METTL9: variants seen among roughly 807,000 people sequenced by gnomAD.
The protein encoded by METTL9 is methyltransferase 9, His-X-His N1(pi)-histidine.
In METTL9, 10 loss-of-function variants were observed where a neutral mutation model predicts 36.0. The ratio of observed to expected loss-of-function variants is 0.28; its 90% CI spans 0.17 to 0.47. The LOEUF (loss-of-function observed/expected upper bound fraction) is 0.47. Among genes scored for constraint, METTL9 ranks in the 20% least tolerant of loss-of-function variants. The pLI, the probability that METTL9 is intolerant of heterozygous loss-of-function variation, is 0.99. For synonymous variants in METTL9, 175 were observed against 149.7 expected (o/e 1.17, Z -1.23); for missense variants, 246 against 383.5 (o/e 0.64, Z 3.00).
At chr16:21,607,915 G>A (rs559922651) in intron 1 of METTL9, among the ~76,000 whole-genome samples, 15 of 152,266 alleles carry the variant, frequency 9.9e-5, no homozygotes, top group South Asian at 2.1e-4. Context: ...TTGCGAGGCC[G>A]AGGCAGGCAG....
chr16:21,600,510 A>G (rs971736819), intron 1 of METTL9, among the ~76,000 whole-genome samples: 3 of 152,158 alleles, frequency 2.0e-5, no homozygotes. Context: ...CCTACCTAGC[A>G]GAGATCTCCT....
chr16:21,608,305 A>AT (rs1965343912), intron 1 of METTL9, among the ~76,000 whole-genome samples: 1 of 151,992 alleles, frequency 6.6e-6, no homozygotes, highest in Non-Finnish European at 1.5e-5. Context: ...GTTCCTGCAG[A>AT]TTTTTTCTCT....
At chr16:21,609,749 GAC>G (rs1463273794) in intron 1 of METTL9, among the ~76,000 whole-genome samples, 1 of 152,038 alleles carries the variant, frequency 6.6e-6, no homozygotes, top group Non-Finnish European at 1.5e-5. Flanking sequence ...TGAGGCTGGA[GAC>G]ACAGAATGAA....
intron 4 of METTL9, among the ~76,000 whole-genome samples, chr16:21,648,588 G>A (rs928173157): frequency 2.0e-5 from 3 of 152,320 alleles, no homozygotes; most frequent in Non-Finnish European, 2.9e-5. Flanking sequence ...TCCAAGTTAT[G>A]AGGATTGAGT....
rs574758929 is a variant in METTL9 at position 21,631,817 on chromosome 16, G to C, written c.751+6702G>C. Among the ~76,000 whole-genome samples, 4 of 152,316 alleles carry C rather than the reference G, an allele frequency of 2.6e-5. No individual in the cohort carries two copies. The South Asian group carries it at 8.3e-4, about 32-fold the overall frequency. ...TGGAGTGTTACAGGGTTACAGAGAAGACCTTCAATTATCAATTATAGGTTT... is the reference window on the plus strand; with the variant it reads ...TGGAGTGTTACAGGGTTACAGAGAACACCTTCAATTATCAATTATAGGTTT... On this transcript the variant is annotated intron_variant, in intron 4 of 4. Transcript: ENST00000358154.
At chr16:21,630,278 C>T (rs2141594948) in intron 4 of METTL9, among the ~76,000 whole-genome samples, 1 of 152,328 alleles carries the variant, frequency 6.6e-6, no homozygotes, top group Admixed American at 6.5e-5. Flanking sequence ...AAGTGCGGGG[C>T]CTGCCGAGCC....
At chr16:21,635,257 G>A (rs1186589711) in intron 4 of METTL9, among the ~76,000 whole-genome samples, 2 of 152,092 alleles carry the variant, frequency 1.3e-5, no homozygotes, top group African/African-American at 4.8e-5. Flanking sequence ...TACTCAGGTT[G>A]GGCCAAATTC....
chr16:21,623,857 G>A lies in METTL9; in HGVS notation c.567-1074G>A, dbSNP rs536808482. 3.9e-5 allele frequency among the ~76,000 whole-genome samples: 6 copies of A among 152,094 alleles called. No homozygotes were observed. In the South Asian group the frequency reaches 6.2e-4, roughly 16 times the overall value. The stretch of plus-strand genomic sequence containing the variant: ...GTGATCTCGGCTCACTGCAGCCTCC[G>A]CCTCCCTGATTCAAGCGATTCTCCT... On this transcript the variant is annotated intron_variant, in intron 3 of 4. Coordinates refer to ENST00000358154, the MANE Select transcript of METTL9 (RefSeq NM_016025.5).
Position 21,611,624 on chromosome 16 carries a change from T to C in METTL9, c.166-1021T>C, listed in dbSNP as rs1264674901. Among the ~76,000 whole-genome samples, 4 of 152,364 alleles carry C rather than the reference T, an allele frequency of 2.6e-5. No individual in the cohort carries two copies. The East Asian group carries it at 7.7e-4, about 29-fold the overall frequency. On this transcript the variant is annotated intron_variant, in intron 1 of 4. Transcript: ENST00000358154. ...TCTCACTACGTGCTTTGTATTATGT[T>C]GAGGACTTGCCTGCATTATCTTGTT...
Position 21,655,471 on chromosome 16 carries a change from G to A in METTL9, c.*39G>A, listed in dbSNP as rs368952309. On this transcript the variant is annotated 3_prime_UTR_variant, in exon 5 of 5. Coordinates refer to ENST00000358154, the MANE Select transcript of METTL9 (RefSeq NM_016025.5). ...GAAGTCTTCAGAGTCCGCACCCTCCGGGATGTGCCCTTGGAAGAGGGTCTG... is the reference window on the plus strand; with the variant it reads ...GAAGTCTTCAGAGTCCGCACCCTCCAGGATGTGCCCTTGGAAGAGGGTCTG... 1.1e-4 allele frequency: 170 copies of A among 1,548,532 alleles called. No individual in the cohort carries two copies. Among genetic ancestry groups the A allele is most frequent in the Middle Eastern group, 1.8e-4 (1 of 5,622 alleles).
At chr16:21,623,193 A>G (rs913977201) in intron 3 of METTL9, among the ~76,000 whole-genome samples, 2 of 152,226 alleles carry the variant, frequency 1.3e-5, no homozygotes, top group Non-Finnish European at 2.9e-5. Context: ...ATTTAGTGCA[A>G]TGAAACACCT....
intron 4 of METTL9, among the ~76,000 whole-genome samples, chr16:21,634,798 C>T (rs1966045674): frequency 6.6e-6 from 1 of 152,116 alleles, no homozygotes; most frequent in Admixed American, 6.5e-5. Context: ...TGTAGCTGCT[C>T]AAGGAAGGCA....
upstream of METTL9, chr16:21,599,511 A>G (rs992262462): frequency 2.4e-5 from 30 of 1,240,432 alleles, no homozygotes; most frequent in African/African-American, 3.2e-5. This position sits in a 1 kb window ranked among gnomAD's most constrained non-coding sequence, Gnocchi z 4.4. Context: ...AAACTGGTGC[A>G]GGGGGCAGCG....
At chr16:21,649,431 C>G (rs1746792791) in intron 4 of METTL9, among the ~76,000 whole-genome samples, 1 of 152,172 alleles carries the variant, frequency 6.6e-6, no homozygotes, top group African/African-American at 2.4e-5. Flanking sequence ...AGCTTCGTGT[C>G]TGTGGGAGGC....
chr16:21,635,853 G>A lies in METTL9; in HGVS notation c.751+10738G>A, dbSNP rs542689173. Among the ~76,000 whole-genome samples, 357 of 152,172 alleles carry A rather than the reference G, an allele frequency of 2.3e-3. 3 individuals are homozygous for A. The highest frequency in any genetic ancestry group is 7.7e-3 in the African/African-American group (319 of 41,494). ...GGACCCTGCTAATTGGAATAGTTGC[G>A]CTCACCGAAGCAGCAGCAGAAACGG... On this transcript the variant is annotated intron_variant, in intron 4 of 4. Transcript: ENST00000358154.
chr16:21,650,430 C>T lies in METTL9; in HGVS notation c.752-4797C>T, dbSNP rs150642212. Among the ~76,000 whole-genome samples the T allele has an allele frequency of 2.5e-4, 37 of 147,812 alleles. No homozygotes were observed. The East Asian group carries it at 6.9e-3, about 28-fold the overall frequency. On this transcript the variant is annotated intron_variant, in intron 4 of 4. Transcript: ENST00000358154. ...GGCTGAAGCAGGAGAATCGCTTGAA[C>T]GTAGGAGGTGGAGGTTGCAGTGAGC...
At chr16:21,643,613 A>T in intron 4 of METTL9, 1 of 1,584,132 alleles carries the variant, frequency 6.3e-7, no homozygotes, top group Non-Finnish European at 8.6e-7. Context: ...CAAGAAGAGA[A>T]GGAAAGTCTA....
rs779978629 is a variant in METTL9, at chr16:21,625,115, G to A, written c.751G>A (p.Val251Ile). The change falls in exon 4 of 5, where the codon GTA (valine) becomes ATA (isoleucine). Residue 251 changes from valine (V) to isoleucine (I), a missense_variant and splice_region_variant. Physicochemically the swap from Val to Ile is conservative, Grantham distance 29 (BLOSUM62 3). Coordinates refer to ENST00000358154, the MANE Select transcript of METTL9 (RefSeq NM_016025.5). ...CCCCTTTCATCCCTATGTGGAAAAC[G>A]GTAAGTGTGGTCAGTCAGGCTAGCT... ...VLPFHPYVENVGGKWEKPSEI... is the reference protein window; with the variant it reads ...VLPFHPYVENIGGKWEKPSEI... 9 of 1,613,968 alleles carry A rather than the reference G, an allele frequency of 5.6e-6. No homozygotes were observed. The highest frequency in any genetic ancestry group is 3.3e-5 in the South Asian group (3 of 91,064).
At position 21,655,575 on chromosome 16, in the gene METTL9, C is replaced by A; in HGVS notation, c.*143C>A. 1 of 690,650 alleles carries A rather than the reference C, an allele frequency of 1.4e-6. No individual in the cohort carries two copies. Among genetic ancestry groups the A allele is most frequent in the Non-Finnish European group, 2.4e-6 (1 of 415,450 alleles). 42.8% of individuals were successfully genotyped at this position (690,650 alleles called of 1,614,324 possible). On this transcript the variant is annotated 3_prime_UTR_variant, in exon 5 of 5. Coordinates refer to ENST00000358154, the MANE Select transcript of METTL9 (RefSeq NM_016025.5). ...TGTAGGAATTTAAAAAGCCAAAATA[C>A]TAATTATTTCTTTGTAGTGTGTAAA...
Sources: gnomAD v4.1 joint callset for allele counts (sites outside exome capture counted in the v4.1 genomes callset) on GRCh38, gnomAD v4.1.1 for gene constraint, Gnocchi (gnomAD v3.1) non-coding constraint, MANE v1.5 for transcripts, NCBI Gene and HGNC (gene_info 2026-07-23, HGNC 2026-07-21) for gene names.